Variants in VPS45 observed in about 807,000 individuals in gnomAD.
VPS45 encodes vacuolar protein sorting 45 homolog, also known as vacuolar protein sorting-associated protein 45.
In VPS45, 35 loss-of-function variants were observed where a neutral mutation model predicts 75.9. That is an observed-to-expected ratio of 0.46 (90% CI 0.35 to 0.61). The LOEUF (loss-of-function observed/expected upper bound fraction) is 0.61. VPS45 is among the 20% of genes least tolerant of loss of function. The pLI is 0.00. For synonymous variants in VPS45, 220 were observed against 238.2 expected, an observed-to-expected ratio of 0.92 and a Z score of 0.70; for missense variants, 559 against 685.9, an observed-to-expected ratio of 0.81 and a Z score of 2.07.
chr1:150,129,627 TCGGCTCACTGCAA>T (rs1339581303), intron 14 of VPS45, among the ~76,000 whole-genome samples: 4 of 146,220 alleles, frequency 2.7e-5, no homozygotes, highest in East Asian at 4.1e-4. Context: ...TGACACCACC[TCGGCTCACTGCAA>T]CGCCCGCCTC....
chr1:150,116,109 A>G (rs1657918558), intron 14 of VPS45, among the ~76,000 whole-genome samples: 1 of 152,208 alleles, frequency 6.6e-6, no homozygotes, highest in Non-Finnish European at 1.5e-5. Flanking sequence ...TTAATTCTAG[A>G]AATGGAAGTG....
intron 14 of VPS45, among the ~76,000 whole-genome samples, chr1:150,111,290 G>A (rs1268932047): frequency 3.3e-5 from 5 of 152,152 alleles, no homozygotes; most frequent in African/African-American, 1.2e-4. Context: ...CATATGGAGG[G>A]AGAGCACATT....
At chr1:150,113,284 A>G (rs1553807583) in intron 14 of VPS45, among the ~76,000 whole-genome samples, 2 of 152,154 alleles carry the variant, frequency 1.3e-5, no homozygotes, top group African/African-American at 4.8e-5. Context: ...GGGAATTAGG[A>G]GCTCTGTGCC....
At chr1:150,104,752 G>C (rs1657225988) in intron 13 of VPS45, among the ~76,000 whole-genome samples, 1 of 151,916 alleles carries the variant, frequency 6.6e-6, no homozygotes. Context: ...CACCACGCTG[G>C]GCTAATTTTT....
chr1:150,082,714 A>G lies in VPS45; in HGVS notation c.937-2A>G, dbSNP rs781965963. 6.2e-7 allele frequency: 1 copy of G among 1,610,682 alleles called. No homozygotes were observed. On this transcript the variant is annotated splice_acceptor_variant, in intron 9 of 14. Transcript: ENST00000644510. LOFTEE classifies it high-confidence loss of function. Reference sequence around the variant, plus strand: ...CTCCCATTGATGTTTTTCCCATGGCAGGCGTTTGTTGAGAATTATCCACAG... The same window carrying G: ...CTCCCATTGATGTTTTTCCCATGGCGGGCGTTTGTTGAGAATTATCCACAG...
upstream of VPS45, chr1:150,067,507 G>A (rs587744724): frequency 4.6e-5 from 12 of 262,300 alleles, no homozygotes; most frequent in East Asian, 6.9e-4. Flanking sequence ...CTCATTTCGC[G>A]AGGCTCCACT....
intron 14 of VPS45, among the ~76,000 whole-genome samples, chr1:150,125,132 C>A (rs1317613217): frequency 2.0e-5 from 3 of 149,496 alleles, no homozygotes; most frequent in Non-Finnish European, 4.5e-5. Flanking sequence ...TATTTTTTTG[C>A]TTTTTTAAAT....
upstream of VPS45, chr1:150,067,458 C>G (rs1553796090): frequency 5.1e-6 from 1 of 197,550 alleles, no homozygotes; most frequent in African/African-American, 2.3e-5. Context: ...TAGCCACACT[C>G]CGTCGTTCCT....
At chr1:150,131,548 T>G (rs1658836387) in intron 14 of VPS45, among the ~76,000 whole-genome samples, 1 of 151,300 alleles carries the variant, frequency 6.6e-6, no homozygotes, top group Non-Finnish European at 1.5e-5. Context: ...AATTTAAAAA[T>G]TATCAGCTAG....
At chr1:150,085,577 G>C (rs782365548) in intron 10 of VPS45, among the ~76,000 whole-genome samples, 11 of 151,972 alleles carry the variant, frequency 7.2e-5, no homozygotes, top group Non-Finnish European at 1.6e-4. Context: ...AGTCTATAAA[G>C]GGATCTTTTG....
rs587769977 is a variant in VPS45, at chr1:150,084,740, C to T, written c.1104+1857C>T. ...AGGTTTTGGACCCAGACTGGCTTGG[C>T]TTATATCCTACCTCTCCTTACCAAA... On this transcript the variant is annotated intron_variant, in intron 10 of 14. Transcript: ENST00000644510. Among the ~76,000 whole-genome samples, 3 of 152,252 alleles carry T rather than the reference C, an allele frequency of 2.0e-5. No individual in the cohort carries two copies. The South Asian group carries it at 6.2e-4, about 32-fold the overall frequency.
intron 7 of VPS45, among the ~76,000 whole-genome samples, chr1:150,079,112 C>CAAA (rs11301300): frequency 0.026 from 3,537 of 135,094 alleles, 193 homozygotes; most frequent in African/African-American, 0.085. Context: ...ACTCTTGTCT[C>CAAA]AAAAAAAAAA....
At chr1:150,130,319 G>T (rs1427755021) in intron 14 of VPS45, among the ~76,000 whole-genome samples, 1 of 149,178 alleles carries the variant, frequency 6.7e-6, no homozygotes, top group Non-Finnish European at 1.5e-5. Context: ...CTCCCGAGTA[G>T]CTGGGACTAC....
chr1:150,106,789 A>C (rs886507753), intron 13 of VPS45, among the ~76,000 whole-genome samples: 2 of 152,128 alleles, frequency 1.3e-5, no homozygotes, highest in East Asian at 3.8e-4. Context: ...CCTTCCCTTC[A>C]TAGCCAAGCT....
chr1:150,111,597 T>C (rs1381646581), intron 14 of VPS45, among the ~76,000 whole-genome samples: 1 of 152,218 alleles, frequency 6.6e-6, no homozygotes, highest in Non-Finnish European at 1.5e-5. Context: ...TTGTTGAATC[T>C]AAAGATTGGG....
intron 9 of VPS45, 150 bp from the exon 10 acceptor site, chr1:150,082,566 A>T: frequency 2.2e-6 from 2 of 895,702 alleles, no homozygotes; most frequent in Non-Finnish European, 3.4e-6. Flanking sequence ...TTCTCTTCTT[A>T]AGCATAACAA....
chr1:150,103,754 A>G (rs1310091501), intron 13 of VPS45, among the ~76,000 whole-genome samples: 1 of 152,164 alleles, frequency 6.6e-6, no homozygotes, highest in Non-Finnish European at 1.5e-5. Context: ...GAGGATAGCT[A>G]TGGTGAAGCA....
chr1:150,099,271 G>A (rs181611101), intron 13 of VPS45, among the ~76,000 whole-genome samples: 2 of 152,000 alleles, frequency 1.3e-5, no homozygotes, highest in East Asian at 3.9e-4. Flanking sequence ...CTGAGGTGGG[G>A]CAGATCAGAG....
chr1:150,142,104 T>C (rs1266964273), intron 14 of VPS45, among the ~76,000 whole-genome samples: 4 of 152,132 alleles, frequency 2.6e-5, no homozygotes, highest in African/African-American at 4.8e-5. Flanking sequence ...TTTTAAGTCA[T>C]AGTGGCCCTA....
Sources: allele counts gnomAD v4.1 joint callset (sites outside exome capture counted in the v4.1 genomes callset), GRCh38; gene constraint gnomAD v4.1.1; transcripts MANE v1.5; gene names NCBI Gene and HGNC (gene_info 2026-07-23, HGNC 2026-07-21).